The following SEMA4B variants were observed in gnomAD, a reference collection of about 807,000 sequenced individuals.
The protein encoded by SEMA4B is semaphorin-4B.
A neutral mutation model predicts 88.1 loss-of-function variants in SEMA4B; 55 were observed. The observed-to-expected ratio is 0.62, with a 90% CI of 0.50 to 0.78. The LOEUF (loss-of-function observed/expected upper bound fraction) is 0.78, where lower values mean the gene tolerates loss of function less well. Among genes scored for constraint, SEMA4B ranks in the 30% least tolerant of loss-of-function variants. SEMA4B has a pLI of 0.00. For synonymous variants in SEMA4B, 525 were observed against 473.6 expected, an observed-to-expected ratio of 1.11 and a Z score of -1.41; for missense variants, 1,062 against 1,111.9, an observed-to-expected ratio of 0.96 and a Z score of 0.64.
intron 1 of SEMA4B, among the ~76,000 whole-genome samples, chr15:90,210,382 G>A (rs1171806202): frequency 1.3e-5 from 2 of 152,180 alleles, no homozygotes; most frequent in African/African-American, 4.8e-5. Flanking sequence ...GAGCATGGAC[G>A]TGTGACCCAG....
chr15:90,220,938 A>G (rs1381852942), intron 4 of SEMA4B, 44 bp from the exon 5 acceptor site: 1 of 1,315,142 alleles, frequency 7.6e-7, no homozygotes, highest in East Asian at 2.5e-5. Context: ...CCTGCTCCTC[A>G]TTCCCTGGAG....
chr15:90,216,487 A>C (rs879695329), intron 1 of SEMA4B, among the ~76,000 whole-genome samples: 15 of 152,062 alleles, frequency 9.9e-5, no homozygotes, highest in Non-Finnish European at 1.6e-4. Flanking sequence ...GCTTGTGACA[A>C]CCCTGCTACC....
chr15:90,200,447 T>C (rs1011537980), upstream of SEMA4B, among the ~76,000 whole-genome samples: 6 of 152,244 alleles, frequency 3.9e-5, no homozygotes, highest in African/African-American at 7.2e-5. Context: ...TTTGAGATTA[T>C]TGCTTAGATA....
intron 1 of SEMA4B, among the ~76,000 whole-genome samples, chr15:90,195,466 A>T (rs1960469959): frequency 6.6e-6 from 1 of 152,030 alleles, no homozygotes; most frequent in Non-Finnish European, 1.5e-5. Context: ...CTCTCACTAG[A>T]TTGCCCTTTC....
At chr15:90,222,002 C>T (rs1020646257) in intron 7 of SEMA4B, among the ~76,000 whole-genome samples, 6 of 151,386 alleles carry the variant, frequency 4.0e-5, no homozygotes, top group East Asian at 2.0e-4. Flanking sequence ...TGCAGTGGCA[C>T]GATCACGGTT....
rs78641746 is a variant in SEMA4B at position 90,191,691 on chromosome 15, G to A, written c.-122+6610G>A. On this transcript the variant is annotated intron_variant, in intron 1 of 14. Coordinates refer to the SEMA4B transcript ENST00000332496. Reference sequence around the variant, plus strand: ...CCAGGAGCAAGAAAAACAAGAGGCCGGTAGCGGGGAAAATGGTTTGGGGAA... The same window carrying A: ...CCAGGAGCAAGAAAAACAAGAGGCCAGTAGCGGGGAAAATGGTTTGGGGAA... Among the ~76,000 whole-genome samples, 503 of 152,318 alleles carry A rather than the reference G, an allele frequency of 3.3e-3. 2 individuals carry two copies. Among genetic ancestry groups the A allele is most frequent in the African/African-American group, 0.012 (492 of 41,570 alleles).
upstream of SEMA4B, among the ~76,000 whole-genome samples, chr15:90,198,466 A>T (rs1187886344): frequency 6.6e-6 from 1 of 152,228 alleles, no homozygotes; most frequent in Non-Finnish European, 1.5e-5. Flanking sequence ...GTCAGACAAT[A>T]AAGAAAAACC....
chr15:90,217,847 A>T lies in SEMA4B; in HGVS notation c.384+18A>T. The T allele has an allele frequency of 6.2e-7, 1 of 1,604,524 alleles. No homozygotes were observed. The highest frequency in any genetic ancestry group is 8.5e-7 in the Non-Finnish European group (1 of 1,174,088). On this transcript the variant is annotated intron_variant, in intron 3 of 13. Coordinates refer to ENST00000411539, the MANE Select transcript of SEMA4B (RefSeq NM_198925.4). ...ACCCACAGGTGAGCCCACACCTGGA[A>T]GGGAGCTGAGCTGCAGGAGGGATGG...
intron 1 of SEMA4B, among the ~76,000 whole-genome samples, chr15:90,195,731 C>G (rs534995862): frequency 9.7e-4 from 147 of 151,204 alleles, no homozygotes; most frequent in African/African-American, 3.4e-3. Context: ...TGCCTCACCC[C>G]CCGAAGTAGC....
upstream of SEMA4B, among the ~76,000 whole-genome samples, chr15:90,196,872 T>G (rs1188912746): frequency 6.6e-6 from 1 of 152,236 alleles, no homozygotes; most frequent in Non-Finnish European, 1.5e-5. Context: ...GGTTTCACTG[T>G]GGACTAATGG....
intron 1 of SEMA4B, 40 bp downstream of exon 1, chr15:90,201,775 A>G: frequency 7.3e-7 from 1 of 1,379,266 alleles, no homozygotes; most frequent in Non-Finnish European, 9.3e-7. Context: ...CGGGGGAAGG[A>G]AGGCTGCCGG....
intron 1 of SEMA4B, among the ~76,000 whole-genome samples, chr15:90,187,204 G>A (rs1426700280): frequency 6.6e-6 from 1 of 152,220 alleles, no homozygotes; most frequent in Non-Finnish European, 1.5e-5. Flanking sequence ...AAGCTGGTGA[G>A]CCTGGAGCTA....
chr15:90,204,272 C>T (rs1960886591), intron 1 of SEMA4B, among the ~76,000 whole-genome samples: 1 of 152,216 alleles, frequency 6.6e-6, no homozygotes. Context: ...GCCACTCACT[C>T]CTCTACTGAA....
rs1040660447 is a variant in SEMA4B, at chr15:90,201,346, T to A, written c.-233T>A. 2 of 1,222,692 alleles carry A rather than the reference T, an allele frequency of 1.6e-6. No individual in the cohort carries two copies. Among genetic ancestry groups the A allele is most frequent in the African/African-American group, 3.2e-5 (2 of 63,224 alleles). 75.7% of individuals were successfully genotyped at this position (1,222,692 alleles called of 1,614,324 possible). A position where few individuals can be genotyped will look rare whatever the true frequency, so the allele number is the denominator to read the frequency against. ...CCCTCCGCCGCTTGCGGGTGAGCTC[T>A]GCCCAAGCCGAGGCTGCGGGGCCGG... is the stretch of plus-strand genomic sequence containing the variant. On this transcript the variant is annotated 5_prime_UTR_variant, in exon 1 of 14. Transcript: ENST00000411539.
chr15:90,225,412 G>A lies in SEMA4B; in HGVS notation c.1521+15G>A, dbSNP rs201386050. 403 of 1,547,884 alleles carry A rather than the reference G, an allele frequency of 2.6e-4. 3 individuals are homozygous for A. In the African/African-American group the frequency reaches 4.4e-3, roughly 17 times the overall value. ...ACACCCACAGGGTGAGCAGGCCAAC[G>A]AGGAATCCTGGCAGGGTACTTGGGG... is the stretch of plus-strand genomic sequence containing the variant. On this transcript the variant is annotated intron_variant, in intron 11 of 13. Transcript: ENST00000411539.
At chr15:90,195,926 T>TTTTTTTTTTTTC (rs1960487202) in intron 1 of SEMA4B, among the ~76,000 whole-genome samples, 1 of 111,420 alleles carries the variant, frequency 9.0e-6, no homozygotes, top group Non-Finnish European at 1.7e-5. Flanking sequence ...GTACTTCTCT[T>TTTTTTTTTTTTC]TTTTTTTTTT....
chr15:90,222,686 C>G (rs1294102526), intron 7 of SEMA4B, among the ~76,000 whole-genome samples: 3 of 152,100 alleles, frequency 2.0e-5, no homozygotes, highest in Non-Finnish European at 4.4e-5. Flanking sequence ...AAGTTCAAAC[C>G]CTGCTGGCCT....
Position 90,203,132 on chromosome 15 carries a change from C to T in SEMA4B, c.157+1397C>T, listed in dbSNP as rs1046580770. 3.9e-5 allele frequency among the ~76,000 whole-genome samples: 6 copies of T among 152,318 alleles called. No homozygotes were observed. In the South Asian group the frequency reaches 8.3e-4, roughly 21 times the overall value. Reference sequence around the variant, plus strand: ...AAAGTCGTTAGGACAGGGCCTGGTACGGGAACCGCTGAATGAGTGTTACTC... The same window carrying T: ...AAAGTCGTTAGGACAGGGCCTGGTATGGGAACCGCTGAATGAGTGTTACTC... On this transcript the variant is annotated intron_variant, in intron 1 of 13. Coordinates refer to ENST00000411539, the MANE Select transcript of SEMA4B (RefSeq NM_198925.4).
At position 90,188,444 on chromosome 15, in the gene SEMA4B, A is replaced by G. The variant is rs182692228; in HGVS notation, c.-122+3363A>G. ...GGGGTTCAAGACCAGGCTGGCCAAC[A>G]TGGTGAAACCCTGTCTCTACTAAAA... On this transcript the variant is annotated intron_variant, in intron 1 of 14. Transcript: ENST00000332496. Among the ~76,000 whole-genome samples, 203 of 151,732 alleles carry G rather than the reference A, an allele frequency of 1.3e-3. 1 individual carries two copies. Among genetic ancestry groups the G allele is most frequent in the African/African-American group, 4.7e-3 (193 of 41,392 alleles).
Sources: gnomAD v4.1 joint callset for allele counts (sites outside exome capture counted in the v4.1 genomes callset) on GRCh38, gnomAD v4.1.1 for gene constraint, MANE v1.5 for transcripts, NCBI Gene and HGNC (gene_info 2026-07-23, HGNC 2026-07-21) for gene names.